The following RNF151 variants were observed in gnomAD, a reference collection of about 807,000 sequenced individuals.
RNF151 encodes ring finger protein 151.
RNF151 carries 9 observed loss-of-function variants against 11.1 expected under a neutral mutation model. The ratio of observed to expected loss-of-function variants is 0.81; its 90% CI spans 0.49 to 1.42. The LOEUF (loss-of-function observed/expected upper bound fraction) is 1.42. Ranked by LOEUF, RNF151 falls within the 40% of genes most tolerant of loss-of-function variation. The pLI is 0.00. For synonymous variants in RNF151, 172 were observed against 140.7 expected, an observed-to-expected ratio of 1.22 and a Z score of -1.58; for missense variants, 372 against 342.9, an observed-to-expected ratio of 1.08 and a Z score of -0.67.
Position 1,968,698 on chromosome 16 carries a change from C to A in RNF151, c.511C>A (p.Arg171Ser). The A allele has an allele frequency of 6.4e-7, 1 of 1,565,300 alleles. No homozygotes were observed. The highest frequency in any genetic ancestry group is 8.7e-7 in the Non-Finnish European group (1 of 1,155,858). The change falls in exon 4 of 4, where the codon CGC (arginine) becomes AGC (serine). Residue 171 changes from arginine (R) to serine (S), a missense_variant. Physicochemically the swap from Arg to Ser is moderately radical, Grantham distance 110. Transcript: ENST00000569714. ...GGAGCTGCACAACGCCTGGAGCGTG[C>A]GCCAGGAGCGCCGTCGGCCCCTGCT... is the stretch of plus-strand genomic sequence containing the variant. ...YRELHNAWSV[R>S]QERRRPLLLS...
rs571773908 is a variant in RNF151 at position 1,967,780 on chromosome 16, A to G, written c.205A>G (p.Met69Val). The change falls in exon 3 of 4, where the codon ATG becomes GTG. Residue 69 changes from methionine (M) to valine (V), a missense_variant. Coordinates refer to ENST00000569714, the MANE Select transcript of RNF151 (RefSeq NM_174903.6). ...GGTGAAAAGGAAAAAGGTTGTCCAC[A>G]TGAATAAACTCCGGAAAACCATTGG... The part of the protein sequence containing the change: ...KEVKRKKVVH[M>V]NKLRKTIGRL... The G allele has an allele frequency of 8.7e-6, 14 of 1,611,984 alleles. No homozygotes were observed. In the South Asian group the frequency reaches 1.1e-4, roughly 13 times the overall value.
chr16:1,968,808 G>T lies in RNF151; in HGVS notation c.621G>T (p.Leu207=). 6.3e-7 allele frequency: 1 copy of T among 1,593,824 alleles called. No homozygotes were observed. The highest frequency in any genetic ancestry group is 2.3e-5 in the East Asian group (1 of 43,918). Residue 207 remains leucine, a synonymous_variant, in exon 4 of 4, where the codon CTG becomes CTT. Coordinates refer to ENST00000569714, the MANE Select transcript of RNF151 (RefSeq NM_174903.6). ...AGCTGGCGGAGCTCAGCAACTTCCT[G>T]GAGGAAGACACCGCTCTGCTGGAGG... is the stretch of plus-strand genomic sequence containing the variant. ...RRELAELSNF[L]EEDTALLEGA...
chr16:1,968,449 G>A lies in RNF151; in HGVS notation c.262G>A (p.Ala88Thr), dbSNP rs749042000. The change falls in exon 4 of 4, where the codon GCT (alanine) becomes ACT (threonine). Residue 88 changes from alanine to threonine, a missense_variant. Coordinates refer to ENST00000569714, the MANE Select transcript of RNF151 (RefSeq NM_174903.6). ...TCACCCTCAGTGCAAGAACGCCGAC[G>A]CTGGCTGCATAGTGACATGCCCCCT... ...RLEVKCKNAD[A>T]GCIVTCPLAH... 85 of 1,563,108 alleles carry A rather than the reference G, an allele frequency of 5.4e-5. No homozygotes were observed. The Admixed American group carries it at 1.4e-3, about 27-fold the overall frequency.
In RNF151 at chr16:1,968,946, G is replaced by C. The variant is rs568231929; in HGVS notation, c.*21G>C. The C allele has an allele frequency of 1.9e-6, 3 of 1,554,234 alleles. No homozygotes were observed. The highest frequency in any genetic ancestry group is 1.7e-6 in the Non-Finnish European group (2 of 1,147,480). On this transcript the variant is annotated 3_prime_UTR_variant, in exon 4 of 4. Coordinates refer to ENST00000569714, the MANE Select transcript of RNF151 (RefSeq NM_174903.6). ...AATAGGTAAATAAAAGCAGACCCCC[G>C]GCCTGCCTGCCTCTGTGCCTGCGGC...
At position 1,967,755 on chromosome 16, in the gene RNF151, G is replaced by A; in HGVS notation, c.180G>A (p.Glu60=). 6.2e-7 allele frequency: 1 copy of A among 1,612,124 alleles called. No individual in the cohort carries two copies. Among genetic ancestry groups the A allele is most frequent in the Non-Finnish European group, 8.5e-7 (1 of 1,179,182 alleles). Residue 60 remains glutamate, a synonymous_variant, in exon 3 of 4, where the codon GAG becomes GAA. Coordinates refer to ENST00000569714, the MANE Select transcript of RNF151 (RefSeq NM_174903.6). The part of the protein sequence containing the change: ...RQKTCPCCRK[E]VKRKKVVHMN... ...AGACCTGTCCGTGCTGTAGGAAAGA[G>A]GTGAAAAGGAAAAAGGTTGTCCACA...
Position 1,968,492 on chromosome 16 carries a change from A to T in RNF151, c.305A>T (p.His102Leu). 1 of 1,601,582 alleles carries T rather than the reference A, an allele frequency of 6.2e-7. No homozygotes were observed. The highest frequency in any genetic ancestry group is 1.3e-5 in the African/African-American group (1 of 74,676). The change falls in exon 4 of 4, where the codon CAC becomes CTC. Residue 102 changes from histidine to leucine, a missense_variant. His to Leu is a moderately conservative substitution (Grantham distance 99). Transcript: ENST00000569714. ...TGCCCCCTGGCCCATCGCAAGGGGC[A>T]CCAGGACTCATGCCCCTTTGAGCTA... Reference protein sequence around the residue: ...VTCPLAHRKGHQDSCPFELTA... With the variant: ...VTCPLAHRKGLQDSCPFELTA...
rs913819063 is a variant in RNF151 at position 1,967,135 on chromosome 16, G to T, written c.4-139G>T. 3 of 1,173,378 alleles carry T rather than the reference G, an allele frequency of 2.6e-6. No homozygotes were observed. The African/African-American group carries it at 4.6e-5, about 18-fold the overall frequency. The allele number at this position is 1,173,378 out of a possible 1,614,324, so 72.7% of individuals were successfully genotyped here. On this transcript the variant is annotated intron_variant, in intron 1 of 3. Transcript: ENST00000569714. ...TAACCCCCACAGCTGCCCCCTCAAAGTGGGCGCTGAGCCAACCCCTTTACT... is the reference window on the plus strand; with the variant it reads ...TAACCCCCACAGCTGCCCCCTCAAATTGGGCGCTGAGCCAACCCCTTTACT...
chr16:1,967,603 C>T (rs1567321164), intron 2 of RNF151, 122 bp from the exon 3 acceptor site: 2 of 946,784 alleles, frequency 2.1e-6, no homozygotes, highest in East Asian at 5.3e-5. Flanking sequence ...CTGAGAGCGC[C>T]CTGTAATATG....
rs915723897 is a variant in RNF151 at position 1,968,503 on chromosome 16, T to C, written c.316T>C (p.Cys106Arg). 3.1e-6 allele frequency: 5 copies of C among 1,606,382 alleles called. 1 individual carries two copies. In the Admixed American group the frequency reaches 6.7e-5, roughly 22 times the overall value. Residue 106 changes from cysteine (C) to arginine (R), a missense_variant, in exon 4 of 4, where the codon TGC (cysteine) becomes CGC (arginine). By Grantham distance (180) the Cys-to-Arg change is radical. Transcript: ENST00000569714. ...CCATCGCAAGGGGCACCAGGACTCA[T>C]GCCCCTTTGAGCTAACGGCCTGCCC... Reference protein sequence around the residue: ...LAHRKGHQDSCPFELTACPNE... With the variant: ...LAHRKGHQDSRPFELTACPNE...
chr16:1,968,575 CACCGGCAGCATTGCCAGCA>C lies in RNF151; in HGVS notation c.390_408del (p.His130GlnfsTer112). 6.2e-7 allele frequency: 1 copy of C among 1,602,342 alleles called. No homozygotes were observed. The highest frequency in any genetic ancestry group is 8.5e-7 in the Non-Finnish European group (1 of 1,175,376). On this transcript the variant is annotated frameshift_variant, in exon 4 of 4. Coordinates refer to ENST00000569714, the MANE Select transcript of RNF151 (RefSeq NM_174903.6). LOFTEE classifies it low-confidence loss of function (END_TRUNC). ...GGTGCCGCGTGGGACCCTGGCAGAG[CACCGGCAGCATTGCCAGCA>C]AGGGTCCCAGCAGCGCTGCCCCCTG...
rs1242597190 is a variant in RNF151, at chr16:1,967,722, C to T, written c.150-3C>T. On this transcript the variant is annotated splice_polypyrimidine_tract_variant and splice_region_variant and intron_variant, in intron 2 of 3. Transcript: ENST00000569714. ...ACTCACCCCTACTCATGCCTCCTTC[C>T]AGACAAAAGACCTGTCCGTGCTGTA... 2 of 1,607,066 alleles carry T rather than the reference C, an allele frequency of 1.2e-6. No homozygotes were observed. The highest frequency in any genetic ancestry group is 1.7e-6 in the Non-Finnish European group (2 of 1,176,598).
chr16:1,968,386 C>G (rs1212046318), intron 3 of RNF151, 48 bp from the exon 4 acceptor site: 1 of 1,469,548 alleles, frequency 6.8e-7, no homozygotes, highest in East Asian at 2.4e-5. Context: ...GTGGGGGATT[C>G]CGTGGGTGTC....
rs747209033 is a variant in RNF151 at position 1,968,767 on chromosome 16, A to C, written c.580A>C (p.Ser194Arg). 5 of 1,586,200 alleles carry C rather than the reference A, an allele frequency of 3.2e-6. No individual in the cohort carries two copies. Among genetic ancestry groups the C allele is most frequent in the Non-Finnish European group, 3.4e-6 (4 of 1,167,200 alleles). Residue 194 changes from serine to arginine, a missense_variant, in exon 4 of 4, where the codon AGT becomes CGT. Transcript: ENST00000569714. ...RRVRWLDQAT[S>R]VVRRELAELS... ...TGTGCGCTGGCTGGACCAAGCCACC[A>C]GTGTCGTTCGTAGAGAGCTGGCGGA...
In RNF151 at chr16:1,966,985, T is replaced by C; in HGVS notation, c.3+101T>C. The C allele has an allele frequency of 5.8e-6, 8 of 1,367,826 alleles. No individual in the cohort carries two copies. In the South Asian group the frequency reaches 1.1e-4, roughly 20 times the overall value. The allele number at this position is 1,367,826 out of a possible 1,614,324, so 84.7% of individuals were successfully genotyped here. The stretch of plus-strand genomic sequence containing the variant: ...TCGACCCCACTCCACTCGGAAAGGG[T>C]GGGCAATGGGTTGCAGACCCCCATA... On this transcript the variant is annotated intron_variant, in intron 1 of 3. Transcript: ENST00000569714.
rs957271339 is a variant in RNF151, at chr16:1,968,651, G to A, written c.464G>A (p.Arg155His). ...GCGATLDPAE[R>H]ARHNCYRELH... is the part of the protein sequence containing the mutation. ...GGGGCCACCCTGGACCCGGCCGAGCGTGCTCGCCACAACTGCTACCGGGAG... is the reference window on the plus strand; with the variant it reads ...GGGGCCACCCTGGACCCGGCCGAGCATGCTCGCCACAACTGCTACCGGGAG... Residue 155 changes from arginine (R) to histidine (H), a missense_variant, in exon 4 of 4, where the codon CGT (arginine) becomes CAT (histidine). By Grantham distance (29) the Arg-to-His change is conservative. Coordinates refer to ENST00000569714, the MANE Select transcript of RNF151 (RefSeq NM_174903.6). 45 of 1,566,550 alleles carry A rather than the reference G, an allele frequency of 2.9e-5. No homozygotes were observed. Among genetic ancestry groups the A allele is most frequent in the East Asian group, 4.8e-5 (2 of 41,758 alleles).
rs2083328403 is a variant in RNF151, at chr16:1,968,233, C to T, written c.247-201C>T. ...GTGTACCTTCCAGTTCCCCAAGACT[C>T]AGGCCTCACCCTCTCCCCTGGAACT... On this transcript the variant is annotated intron_variant, in intron 3 of 3. Coordinates refer to ENST00000569714, the MANE Select transcript of RNF151 (RefSeq NM_174903.6). Among the ~76,000 whole-genome samples, 3 of 152,190 alleles carry T rather than the reference C, an allele frequency of 2.0e-5. No individual in the cohort carries two copies. The South Asian group carries it at 6.2e-4, about 32-fold the overall frequency.
chr16:1,968,837 C>G lies in RNF151; in HGVS notation c.650C>G (p.Ala217Gly). Residue 217 changes from alanine (A) to glycine (G), a missense_variant, in exon 4 of 4, where the codon GCC (alanine) becomes GGC (glycine). Transcript: ENST00000569714. ...LEEDTALLEGAPQEEAEAAPE... is the reference protein window; with the variant it reads ...LEEDTALLEGGPQEEAEAAPE... ...GAAGACACCGCTCTGCTGGAGGGTG[C>G]CCCACAGGAGGAGGCCGAGGCTGCC... The G allele has an allele frequency of 6.3e-7, 1 of 1,594,730 alleles. No homozygotes were observed. Among genetic ancestry groups the G allele is most frequent in the African/African-American group, 1.3e-5 (1 of 74,702 alleles).
intron 1 of RNF151, 25 bp from the exon 2 acceptor site, chr16:1,967,249 A>C: frequency 6.2e-7 from 1 of 1,606,212 alleles, no homozygotes; most frequent in Non-Finnish European, 8.5e-7. Context: ...TGTCCCAGCC[A>C]GGTGCTGACA....
rs367571761 is a variant in RNF151, at chr16:1,968,443, G to C, written c.256G>C (p.Ala86Pro). The change falls in exon 4 of 4, where the codon GCC becomes CCC. Residue 86 changes from alanine (A) to proline (P), a missense_variant. Coordinates refer to ENST00000569714, the MANE Select transcript of RNF151 (RefSeq NM_174903.6). ...TCTCCTTCACCCTCAGTGCAAGAAC[G>C]CCGACGCTGGCTGCATAGTGACATG... ...IGRLEVKCKNADAGCIVTCPL... is the reference protein window; with the variant it reads ...IGRLEVKCKNPDAGCIVTCPL... 17 of 1,557,016 alleles carry C rather than the reference G, an allele frequency of 1.1e-5. No homozygotes were observed. Among genetic ancestry groups the C allele is most frequent in the Non-Finnish European group, 1.5e-5 (17 of 1,146,610 alleles).
Sources: gnomAD v4.1 joint callset for allele counts (sites outside exome capture counted in the v4.1 genomes callset) on GRCh38, gnomAD v4.1.1 for gene constraint, MANE v1.5 for transcripts, NCBI Gene and HGNC (gene_info 2026-07-23, HGNC 2026-07-21) for gene names.